ABLIM3: variants seen among roughly 807,000 people sequenced by gnomAD.
ABLIM3 encodes actin-binding LIM protein 3.
A neutral mutation model predicts 109.5 loss-of-function variants in ABLIM3; 61 were observed. That is an observed-to-expected ratio of 0.56 (90% CI 0.45 to 0.69). ABLIM3 has a LOEUF of 0.69. Ranked by LOEUF, ABLIM3 falls within the 30% of genes least tolerant of loss-of-function variation. The probability of loss-of-function intolerance (pLI) is 0.00; values close to 1 mark genes in which losing one functional copy is unlikely to be tolerated. For missense variants in ABLIM3, 796 were observed against 889.5 expected (o/e 0.89, Z 1.34); for synonymous variants, 300 against 324.8 (o/e 0.92, Z 0.82).
In ABLIM3 at chr5:149,190,989, A is replaced by G. The variant is rs998324549; in HGVS notation, c.152-7230A>G. ...GGAAAATGTGTAGCCTTAAATTATC[A>G]TAATAGAAAAGAATTAAGTTCAAAA... On this transcript the variant is annotated intron_variant, in intron 3 of 23. Coordinates refer to ENST00000309868, the MANE Select transcript of ABLIM3 (RefSeq NM_014945.5). 3.3e-5 allele frequency among the ~76,000 whole-genome samples: 5 copies of G among 152,352 alleles called. No homozygotes were observed. The East Asian group carries it at 9.6e-4, about 29-fold the overall frequency.
chr5:149,237,493 C>T lies in ABLIM3; in HGVS notation c.934C>T (p.Leu312Phe). 1.2e-6 allele frequency: 2 copies of T among 1,614,182 alleles called. No homozygotes were observed. Among genetic ancestry groups the T allele is most frequent in the Non-Finnish European group, 1.7e-6 (2 of 1,180,034 alleles). Reference protein sequence around the residue: ...EILNYKDLAALPKVKSIYEVQ... With the variant: ...EILNYKDLAAFPKVKSIYEVQ... ...CCTTAATTACAAAGACCTGGCGGCT[C>T]TCCCCAAGGTTAAGTCTATCTACGA... The change falls in exon 11 of 24, where the codon CTC becomes TTC. Residue 312 changes from leucine to phenylalanine, a missense_variant. Coordinates refer to ENST00000309868, the MANE Select transcript of ABLIM3 (RefSeq NM_014945.5).
chr5:149,176,142 A>T lies in ABLIM3; in HGVS notation c.14-7310A>T, dbSNP rs148303500. ...TGCTGCAGCTGCCAACACCTGCAGC[A>T]CTTGCATCTCTCTGGGACCCAGCAC... On this transcript the variant is annotated intron_variant, in intron 2 of 23. Coordinates refer to ENST00000309868, the MANE Select transcript of ABLIM3 (RefSeq NM_014945.5). Among the ~76,000 whole-genome samples the T allele has an allele frequency of 3.6e-3, 547 of 152,258 alleles. 1 individual carries two copies. Among genetic ancestry groups the T allele is most frequent in the Non-Finnish European group, 6.4e-3 (434 of 68,014 alleles).
chr5:149,181,800 GT>G (rs1254189577), intron 2 of ABLIM3, among the ~76,000 whole-genome samples: 3 of 152,208 alleles, frequency 2.0e-5, no homozygotes, highest in African/African-American at 7.2e-5. Context: ...CAGATCCGAG[GT>G]TATGCTACAG....
chr5:149,242,652 T>C (rs1308502363), intron 15 of ABLIM3, 114 bp downstream of exon 15: 1 of 1,143,918 alleles, frequency 8.7e-7, no homozygotes, highest in African/African-American at 1.5e-5. Flanking sequence ...GGCTGCATCT[T>C]GGTCCTTCTT....
intron 11 of ABLIM3, 149 bp from the exon 12 acceptor site, chr5:149,239,099 C>T (rs1752530645): frequency 2.7e-6 from 2 of 742,214 alleles, no homozygotes; most frequent in Non-Finnish European, 2.4e-6. Context: ...TCTGGAATTC[C>T]CAGCGAGGCT....
At chr5:149,242,575 G>A (rs1752961446) in intron 15 of ABLIM3, 37 bp downstream of exon 15, 1 of 1,610,786 alleles carries the variant, frequency 6.2e-7, no homozygotes, top group Non-Finnish European at 8.5e-7. Context: ...GCCACACAAG[G>A]AGAGGGGGGA....
chr5:149,258,226 A>G, intron 23 of ABLIM3, 65 bp from the exon 24 acceptor site: 1 of 1,473,456 alleles, frequency 6.8e-7, no homozygotes, highest in Non-Finnish European at 9.4e-7. Flanking sequence ...CTACCCCTGC[A>G]TCTTGCATCC....
chr5:149,252,765 T>A lies in ABLIM3; in HGVS notation c.1866T>A (p.Pro622=). The part of the protein sequence containing the change: ...NWGMREYKIY[P]YELLLVTTRG... ...CCCCCCTTTCTCCTTAGATCTACCC[T>A]TATGAACTGCTGCTGGTGACTACAA... Residue 622 remains proline (P), a synonymous_variant, in exon 23 of 24, where the codon CCT becomes CCA. Transcript: ENST00000309868. 1 of 1,613,080 alleles carries A rather than the reference T, an allele frequency of 6.2e-7. No homozygotes were observed.
At chr5:149,230,161 C>T (rs1276476438) in intron 8 of ABLIM3, among the ~76,000 whole-genome samples, 1 of 152,196 alleles carries the variant, frequency 6.6e-6, no homozygotes, top group East Asian at 1.9e-4. Context: ...CAATCATGCA[C>T]TCACCTCTTC....
intron 3 of ABLIM3, among the ~76,000 whole-genome samples, chr5:149,187,741 T>G (rs1368099704): frequency 6.6e-6 from 1 of 152,206 alleles, no homozygotes; most frequent in Non-Finnish European, 1.5e-5. Context: ...CCCTGACTCA[T>G]TCTGATCACA....
intron 3 of ABLIM3, among the ~76,000 whole-genome samples, chr5:149,184,898 A>C (rs1003813764): frequency 7.9e-5 from 12 of 152,238 alleles, no homozygotes; most frequent in African/African-American, 2.9e-4. Context: ...ATTTGTTTAT[A>C]GATGCATATA....
intron 8 of ABLIM3, among the ~76,000 whole-genome samples, chr5:149,221,533 G>A (rs990623501): frequency 6.6e-6 from 1 of 152,136 alleles, no homozygotes; most frequent in Non-Finnish European, 1.5e-5. Context: ...TCTGTCTGGA[G>A]GAGAACTTCT....
chr5:149,187,996 A>G (rs1757136141), intron 3 of ABLIM3, among the ~76,000 whole-genome samples: 1 of 152,216 alleles, frequency 6.6e-6, no homozygotes, highest in South Asian at 2.1e-4. Context: ...GCACCGTTCT[A>G]TAGTAATAAC....
intron 3 of ABLIM3, among the ~76,000 whole-genome samples, chr5:149,196,410 A>G (rs1453211191): frequency 6.6e-6 from 1 of 152,344 alleles, no homozygotes; most frequent in East Asian, 1.9e-4. Context: ...TGGTTTTCCC[A>G]TCATTGATCA....
At chr5:149,184,621 G>C (rs569575694) in intron 3 of ABLIM3, among the ~76,000 whole-genome samples, 1 of 152,284 alleles carries the variant, frequency 6.6e-6, no homozygotes, top group South Asian at 2.1e-4. Context: ...ACAGATCACA[G>C]TTTTCAAGGT....
chr5:149,225,606 T>C (rs1408774343), intron 8 of ABLIM3, among the ~76,000 whole-genome samples: 1 of 152,150 alleles, frequency 6.6e-6, no homozygotes, highest in Non-Finnish European at 1.5e-5. Context: ...CAGGATGGTG[T>C]TTGGAAGTTC....
intron 5 of ABLIM3, among the ~76,000 whole-genome samples, chr5:149,205,791 C>A (rs904527922): frequency 6.6e-6 from 1 of 152,326 alleles, no homozygotes; most frequent in East Asian, 1.9e-4. Flanking sequence ...TAGAAAGGCA[C>A]GCAACAGCCA....
chr5:149,196,650 T>C (rs1393763112), intron 3 of ABLIM3, among the ~76,000 whole-genome samples: 1 of 152,212 alleles, frequency 6.6e-6, no homozygotes, highest in East Asian at 1.9e-4. Flanking sequence ...GCACCGCAGT[T>C]GCCTTCCTCT....
At chr5:149,158,243 C>T (rs1021683761) in intron 2 of ABLIM3, among the ~76,000 whole-genome samples, 8 of 152,062 alleles carry the variant, frequency 5.3e-5, no homozygotes, top group Non-Finnish European at 1.2e-4. Flanking sequence ...GTATTTGTTC[C>T]CCAACTGCAA....
Sources: allele counts gnomAD v4.1 joint callset (sites outside exome capture counted in the v4.1 genomes callset), GRCh38; gene constraint gnomAD v4.1.1; transcripts MANE v1.5; gene names NCBI Gene and HGNC (gene_info 2026-07-23, HGNC 2026-07-21).